PSMA3: variants seen among roughly 807,000 people sequenced by gnomAD.
The protein encoded by PSMA3 is proteasome 20S subunit alpha 3.
Under a neutral mutation model 40.0 loss-of-function variants are expected in PSMA3, and 8 were observed. The ratio of observed to expected loss-of-function variants is 0.20; its 90% CI spans 0.12 to 0.36. The LOEUF (loss-of-function observed/expected upper bound fraction) is 0.36, where lower values mean the gene tolerates loss of function less well. Among genes scored for constraint, PSMA3 ranks in the 10% least tolerant of loss-of-function variants. The probability of loss-of-function intolerance (pLI) is 1.00; values close to 1 mark genes in which losing one functional copy is unlikely to be tolerated. For missense variants in PSMA3, 219 were observed against 310.6 expected (o/e 0.70, Z 2.22); for synonymous variants, 110 against 100.0 (o/e 1.10, Z -0.59).
intron 2 of PSMA3, among the ~76,000 whole-genome samples, chr14:58,249,716 G>C (rs1197472103): frequency 6.6e-6 from 1 of 152,086 alleles, no homozygotes; most frequent in Non-Finnish European, 1.5e-5. Context: ...ATGTGGCCCA[G>C]GCTGGTCTCA....
chr14:58,256,664 A>G (rs9323331), intron 3 of PSMA3, among the ~76,000 whole-genome samples: 109,778 of 150,980 alleles, frequency 0.73, 40,434 homozygotes, highest in Middle Eastern at 0.87. Context: ...CACCTGCCTC[A>G]GCCTCCCAAA....
chr14:58,251,872 T>G (rs1256785002), intron 2 of PSMA3, among the ~76,000 whole-genome samples: 2 of 152,248 alleles, frequency 1.3e-5, no homozygotes. Flanking sequence ...AGCATCATTT[T>G]TATACTTACA....
intron 2 of PSMA3, among the ~76,000 whole-genome samples, chr14:58,250,263 C>T (rs976200311): frequency 1.4e-5 from 2 of 144,048 alleles, no homozygotes; most frequent in Non-Finnish European, 3.0e-5. Flanking sequence ...AAATGTTGGC[C>T]TGGCTGGTCT....
At chr14:58,269,816 C>T (rs1890561643) in intron 8 of PSMA3, 2 of 151,910 alleles carry the variant, frequency 1.3e-5, no homozygotes, top group African/African-American at 4.8e-5. Context: ...CCTAGTGAAT[C>T]CGTGTTCTTT....
At chr14:58,271,774 T>C in intron 10 of PSMA3, 77 bp from the exon 11 acceptor site, 2 of 1,018,116 alleles carry the variant, frequency 2.0e-6, no homozygotes, top group Non-Finnish European at 3.1e-6. Flanking sequence ...TTCAGGTTGT[T>C]GTAGCTTAAC....
At chr14:58,258,956 G>A (rs1353681630) in intron 5 of PSMA3, among the ~76,000 whole-genome samples, 1 of 151,922 alleles carries the variant, frequency 6.6e-6, no homozygotes, top group Non-Finnish European at 1.5e-5. Flanking sequence ...TTTACTTTTT[G>A]AGACAGTTAC....
At position 58,250,930 on chromosome 14, in the gene PSMA3, A is replaced by G. The variant is rs140082459; in HGVS notation, c.105-1189A>G. Among the ~76,000 whole-genome samples, 248 of 152,306 alleles carry G rather than the reference A, an allele frequency of 1.6e-3. 7 individuals are homozygous for G. In the East Asian group the frequency reaches 0.028, roughly 17 times the overall value. ...AAGGAAATTTTGAAGAAAAAAATTAATAGTAAATAGAAGCTCAACATGGAG... is the reference window on the plus strand; with the variant it reads ...AAGGAAATTTTGAAGAAAAAAATTAGTAGTAAATAGAAGCTCAACATGGAG... On this transcript the variant is annotated intron_variant, in intron 2 of 10. Coordinates refer to ENST00000216455, the MANE Select transcript of PSMA3 (RefSeq NM_002788.4).
At chr14:58,267,695 TA>T in intron 8 of PSMA3, 175 bp downstream of exon 8, 1 of 1,160,672 alleles carries the variant, frequency 8.6e-7, no homozygotes, top group Non-Finnish European at 1.1e-6. Flanking sequence ...TTTTAAGCAA[TA>T]TTTTTTAGTA....
At chr14:58,270,329 G>T in intron 8 of PSMA3, 89 bp from the exon 9 acceptor site, 1 of 1,531,766 alleles carries the variant, frequency 6.5e-7, no homozygotes, top group South Asian at 1.2e-5. Context: ...ATTATGGATG[G>T]ACATTCTAAT....
chr14:58,271,107 T>TAAA, intron 10 of PSMA3, 109 bp downstream of exon 10: 1 of 463,934 alleles, frequency 2.2e-6, no homozygotes, highest in Non-Finnish European at 3.5e-6. Context: ...ATCCCTAATT[T>TAAA]AAAAAAAAAA....
rs1030162438 is a variant in PSMA3 at position 58,258,009 on chromosome 14, T to C, written c.404+11T>C. ...ACCTTTTGGCTGCAGGTAAGAAATT[T>C]TGTGAATTATTCAAAAGGCAGATCT... On this transcript the variant is annotated intron_variant, in intron 5 of 10. Transcript: ENST00000216455. The C allele has an allele frequency of 8.7e-6, 14 of 1,601,610 alleles. No individual in the cohort carries two copies. Among genetic ancestry groups the C allele is most frequent in the Admixed American group, 1.7e-5 (1 of 59,978 alleles).
intron 1 of PSMA3, 89 bp downstream of exon 1, chr14:58,245,030 G>A: frequency 6.3e-7 from 1 of 1,575,400 alleles, no homozygotes; most frequent in Admixed American, 1.7e-5. Context: ...TCGCGGACCC[G>A]GGGTGCTCTG....
chr14:58,261,868 G>A (rs952439457), intron 6 of PSMA3, among the ~76,000 whole-genome samples: 1 of 151,886 alleles, frequency 6.6e-6, no homozygotes, highest in Non-Finnish European at 1.5e-5. Context: ...CTCCTGCCTT[G>A]GACTCCCAAA....
At chr14:58,270,582 A>G in intron 9 of PSMA3, 97 bp downstream of exon 9, 1 of 1,565,718 alleles carries the variant, frequency 6.4e-7, no homozygotes, top group Non-Finnish European at 8.6e-7. Flanking sequence ...AAGCTAAAGC[A>G]AATTTACTAG....
In PSMA3 at chr14:58,263,046, G is replaced by A. The variant is rs542672741; in HGVS notation, c.478-659G>A. ...TGCCCAGGCTGGAGTGCAGTGGCGC[G>A]GTCTCAGCTCACTGCAACCTCTGCC... On this transcript the variant is annotated intron_variant, in intron 6 of 10. Coordinates refer to ENST00000216455, the MANE Select transcript of PSMA3 (RefSeq NM_002788.4). 1.1e-4 allele frequency among the ~76,000 whole-genome samples: 17 copies of A among 148,614 alleles called. No homozygotes were observed. The South Asian group carries it at 2.4e-3, about 21-fold the overall frequency.
At chr14:58,257,203 A>C (rs1413531089) in intron 3 of PSMA3, among the ~76,000 whole-genome samples, 1 of 151,760 alleles carries the variant, frequency 6.6e-6, no homozygotes, top group African/African-American at 2.4e-5. Flanking sequence ...TGATAGAAGT[A>C]GTCCTGAATA....
At chr14:58,259,034 G>A (rs1331470658) in intron 5 of PSMA3, among the ~76,000 whole-genome samples, 1 of 152,128 alleles carries the variant, frequency 6.6e-6, no homozygotes, top group Admixed American at 6.6e-5. Flanking sequence ...CTCAAGCGAT[G>A]CTCCTACCTC....
chr14:58,267,616 A>G, intron 8 of PSMA3, 96 bp downstream of exon 8: 2 of 1,323,526 alleles, frequency 1.5e-6, no homozygotes, highest in Non-Finnish European at 1.9e-6. Flanking sequence ...TTCCTGTAAA[A>G]TAACTTAGTG....
intron 3 of PSMA3, among the ~76,000 whole-genome samples, chr14:58,256,162 G>A (rs542331984): frequency 1.3e-5 from 2 of 151,714 alleles, no homozygotes; most frequent in South Asian, 4.2e-4. Flanking sequence ...CCTAGTAACT[G>A]CAGTTCTAAG....
Sources: allele counts gnomAD v4.1 joint callset (sites outside exome capture counted in the v4.1 genomes callset), GRCh38; gene constraint gnomAD v4.1.1; transcripts MANE v1.5; gene names NCBI Gene and HGNC (gene_info 2026-07-23, HGNC 2026-07-21).